The following PHLPP1 variants were observed in gnomAD, a reference collection of about 807,000 sequenced individuals.
PHLPP1 encodes the protein PH domain leucine-rich repeat-containing protein phosphatase 1.
Under a neutral mutation model 117.2 loss-of-function variants are expected in PHLPP1, and 42 were observed. That is an observed-to-expected ratio of 0.36 (90% CI 0.28 to 0.46). The LOEUF is 0.46. Among genes scored for constraint, PHLPP1 ranks in the 20% least tolerant of loss-of-function variants. The probability of loss-of-function intolerance (pLI) is 1.00; values close to 1 mark genes in which losing one functional copy is unlikely to be tolerated. For synonymous variants in PHLPP1, 1,042 were observed against 970.7 expected (o/e 1.07, Z -1.37); for missense variants, 2,084 against 2,241.9 (o/e 0.93, Z 1.42).
intron 1 of PHLPP1, among the ~76,000 whole-genome samples, chr18:62,717,781 A>G (rs1910805093): frequency 6.6e-6 from 1 of 152,074 alleles, no homozygotes; most frequent in Admixed American, 6.5e-5. Context: ...CCACACTCAT[A>G]AATTACCCAC....
At position 62,979,549 on chromosome 18, in the gene PHLPP1, A is replaced by G. The variant is rs1911316694; in HGVS notation, c.*118A>G. ...ATCCTTCCCCCAGACACTGTTCCCAACCTGTCATCGCAGCTAATCTGTAGG... is the reference window on the plus strand; with the variant it reads ...ATCCTTCCCCCAGACACTGTTCCCAGCCTGTCATCGCAGCTAATCTGTAGG... On this transcript the variant is annotated 3_prime_UTR_variant, in exon 17 of 17. Transcript: ENST00000262719. 1.3e-5 allele frequency: 15 copies of G among 1,128,678 alleles called. No individual in the cohort carries two copies. The Admixed American group carries it at 1.4e-4, about 11-fold the overall frequency. The allele number at this position is 1,128,678 out of a possible 1,614,324, so 69.9% of individuals were successfully genotyped here.
At chr18:62,838,717 G>A (rs1047562207) in intron 2 of PHLPP1, 67 bp from the exon 3 acceptor site, 1 of 1,522,370 alleles carries the variant, frequency 6.6e-7, no homozygotes, top group Admixed American at 1.7e-5. Flanking sequence ...CAGAGGCATA[G>A]TTAGTGAAAT....
At position 62,815,916 on chromosome 18, in the gene PHLPP1, C is replaced by T. The variant is rs564180606; in HGVS notation, c.1577-14119C>T. 4.6e-5 allele frequency among the ~76,000 whole-genome samples: 7 copies of T among 152,220 alleles called. No individual in the cohort carries two copies. The South Asian group carries it at 1.0e-3, about 23-fold the overall frequency. ...TTACAGTGTCAGAATTATGACATACCTGTAGTCTAAAACAGACATTTTTCT... is the reference window on the plus strand; with the variant it reads ...TTACAGTGTCAGAATTATGACATACTTGTAGTCTAAAACAGACATTTTTCT... On this transcript the variant is annotated intron_variant, in intron 1 of 16. Transcript: ENST00000262719.
chr18:62,716,003 C>T lies in PHLPP1; in HGVS notation c.320C>T (p.Ala107Val), dbSNP rs1196437135. 3.6e-6 allele frequency: 5 copies of T among 1,371,532 alleles called. No homozygotes were observed. The highest frequency in any genetic ancestry group is 3.1e-5 in the East Asian group (1 of 32,406). 85.0% of individuals were successfully genotyped at this position (1,371,532 alleles called of 1,614,324 possible). Residue 107 changes from alanine (A) to valine (V), a missense_variant, in exon 1 of 17, where the codon GCC becomes GTC. Physicochemically the swap from Ala to Val is moderately conservative, Grantham distance 64. This residue lies in a region of PHLPP1 where 719 missense variants were observed against 636.0 expected (regional missense o/e 1.13). Coordinates refer to ENST00000262719, the MANE Select transcript of PHLPP1 (RefSeq NM_194449.4). This position sits in a 1 kb window ranked among gnomAD's most constrained non-coding sequence, Gnocchi z 5.7. The stretch of plus-strand genomic sequence containing the variant: ...CCCCAGCCCATTGCCGGCGGGGCTG[C>T]CCCCGTACCCGGGGCCGGCGGCGGC... ...GAPQPIAGGA[A>V]PVPGAGGGAN...
rs1910689812 is a variant in PHLPP1 at position 62,715,593 on chromosome 18, C to T, written c.-91C>T. The T allele has an allele frequency of 2.5e-6, 2 of 810,158 alleles. No individual in the cohort carries two copies. The highest frequency in any genetic ancestry group is 3.3e-6 in the Non-Finnish European group (2 of 598,542). 50.2% of individuals were successfully genotyped at this position (810,158 alleles called of 1,614,324 possible). A position where few individuals can be genotyped will look rare whatever the true frequency, so the allele number is the denominator to read the frequency against. On this transcript the variant is annotated 5_prime_UTR_variant, in exon 1 of 17. Coordinates refer to ENST00000262719, the MANE Select transcript of PHLPP1 (RefSeq NM_194449.4). ...ACGCCATTGGCTTCTCCCTTCTCCG[C>T]GCGCCGCCGCCGTCTCCCACCTCCG...
intron 10 of PHLPP1, among the ~76,000 whole-genome samples, chr18:62,926,980 G>A (rs1338099441): frequency 1.3e-5 from 2 of 152,206 alleles, no homozygotes; most frequent in African/African-American, 4.8e-5. Flanking sequence ...GAGGAAAGCT[G>A]GTAGTGGGGC....
intron 14 of PHLPP1, among the ~76,000 whole-genome samples, chr18:62,970,309 A>G (rs908440020): frequency 1.3e-5 from 2 of 152,114 alleles, no homozygotes; most frequent in African/African-American, 4.8e-5. Flanking sequence ...TCCAAAATAC[A>G]TTATTGTTAT....
At position 62,716,649 on chromosome 18, in the gene PHLPP1, C is replaced by T. The variant is rs1215300949; in HGVS notation, c.966C>T (p.Asp322=). 8.4e-6 allele frequency: 12 copies of T among 1,426,618 alleles called. No individual in the cohort carries two copies. The African/African-American group carries it at 1.8e-4, about 21-fold the overall frequency. 88.4% of individuals were successfully genotyped at this position (1,426,618 alleles called of 1,614,324 possible). A position where few individuals can be genotyped will look rare whatever the true frequency, so the allele number is the denominator to read the frequency against. Residue 322 remains aspartate, a synonymous_variant, in exon 1 of 17, where the codon GAC becomes GAT. Transcript: ENST00000262719. The surrounding 1 kb of genome is among the most constrained non-coding windows in gnomAD (Gnocchi z 5.7). ...WSRRASPAPS[D]SSPGEPFVGG... ...GCCGCGCCAGCCCAGCGCCCTCGGACTCCAGCCCCGGCGAGCCGTTCGTTG... is the reference window on the plus strand; with the variant it reads ...GCCGCGCCAGCCCAGCGCCCTCGGATTCCAGCCCCGGCGAGCCGTTCGTTG...
At chr18:62,758,451 C>A (rs1041010410) in intron 1 of PHLPP1, among the ~76,000 whole-genome samples, 2 of 152,086 alleles carry the variant, frequency 1.3e-5, no homozygotes, top group African/African-American at 4.8e-5. Flanking sequence ...AGTATTCTCT[C>A]CTTACTCCGT....
chr18:62,944,362 G>A (rs925055407), intron 11 of PHLPP1, among the ~76,000 whole-genome samples: 2 of 152,196 alleles, frequency 1.3e-5, no homozygotes, highest in African/African-American at 4.8e-5. Context: ...AATTATTGAT[G>A]AAGATTATAG....
At chr18:62,817,386 AATAC>A (rs957582094) in intron 1 of PHLPP1, among the ~76,000 whole-genome samples, 4 of 152,224 alleles carry the variant, frequency 2.6e-5, no homozygotes, top group Non-Finnish European at 4.4e-5. Flanking sequence ...ATGGAAGATA[AATAC>A]ATACGTATGT....
intron 15 of PHLPP1, among the ~76,000 whole-genome samples, chr18:62,974,858 C>T (rs542294062): frequency 6.6e-6 from 1 of 152,268 alleles, no homozygotes; most frequent in Non-Finnish European, 1.5e-5. Flanking sequence ...GGAACATGAA[C>T]ACTCCAATAC....
chr18:62,888,414 T>TG (rs1916337910), intron 4 of PHLPP1, among the ~76,000 whole-genome samples: 1 of 151,682 alleles, frequency 6.6e-6, no homozygotes, highest in Non-Finnish European at 1.5e-5. Flanking sequence ...TTATCTGGCT[T>TG]ACCTGGCCAA....
chr18:62,934,591 G>C (rs1190140398), intron 10 of PHLPP1, among the ~76,000 whole-genome samples: 1 of 152,144 alleles, frequency 6.6e-6, no homozygotes, highest in African/African-American at 2.4e-5. Flanking sequence ...TATACGGTTT[G>C]AAAAACTACC....
At chr18:62,787,567 G>A (rs888460191) in intron 1 of PHLPP1, among the ~76,000 whole-genome samples, 5 of 152,134 alleles carry the variant, frequency 3.3e-5, no homozygotes, top group African/African-American at 9.7e-5. Context: ...TTTTATTTTA[G>A]TTCTTGCCTT....
chr18:62,791,077 A>G (rs1913442357), intron 1 of PHLPP1, among the ~76,000 whole-genome samples: 1 of 152,100 alleles, frequency 6.6e-6, no homozygotes. Context: ...TGGAGCACTA[A>G]GAGGCTCTTT....
At chr18:62,806,591 G>A (rs181044095) in intron 1 of PHLPP1, among the ~76,000 whole-genome samples, 208 of 152,160 alleles carry the variant, frequency 1.4e-3, no homozygotes, top group Non-Finnish European at 2.5e-3. Context: ...TACTCCCAAG[G>A]CAAACCATTT....
intron 12 of PHLPP1, among the ~76,000 whole-genome samples, chr18:62,953,366 T>A (rs1910519571): frequency 6.6e-6 from 1 of 152,208 alleles, no homozygotes. Flanking sequence ...ACAAACGTTA[T>A]TCTTGTCTCC....
chr18:62,830,244 GT>G lies in PHLPP1; in HGVS notation c.1773+16del. The G allele has an allele frequency of 6.5e-7, 1 of 1,546,994 alleles. No individual in the cohort carries two copies. Among genetic ancestry groups the G allele is most frequent in the Non-Finnish European group, 8.7e-7 (1 of 1,143,840 alleles). On this transcript the variant is annotated intron_variant, in intron 2 of 16. Coordinates refer to ENST00000262719, the MANE Select transcript of PHLPP1 (RefSeq NM_194449.4). Reference sequence around the variant, plus strand: ...AATTGGTGGAAAAGTAAGTTTGTTTGTTTGTTTGTTTATTGAGTCAGAGTCT... The same window carrying G: ...AATTGGTGGAAAAGTAAGTTTGTTTGTTGTTTGTTTATTGAGTCAGAGTCT...
Sources: gnomAD v4.1 joint callset for allele counts (sites outside exome capture counted in the v4.1 genomes callset) on GRCh38, gnomAD v4.1.1 for gene constraint, gnomAD v4.1.1 regional missense constraint, Gnocchi (gnomAD v3.1) non-coding constraint, MANE v1.5 for transcripts, NCBI Gene and HGNC (gene_info 2026-07-23, HGNC 2026-07-21) for gene names.